WDR70: variants seen among roughly 807,000 people sequenced by gnomAD.
WDR70 encodes the protein WD repeat domain 70.
In WDR70, 53 loss-of-function variants were observed where a neutral mutation model predicts 88.6. The observed-to-expected ratio is 0.60, with a 90% CI of 0.48 to 0.75. The LOEUF is 0.75. Among genes scored for constraint, WDR70 ranks in the 30% least tolerant of loss-of-function variants. The probability of loss-of-function intolerance (pLI) is 0.00; values close to 1 mark genes in which losing one functional copy is unlikely to be tolerated. For missense variants in WDR70, 610 were observed against 823.2 expected (o/e 0.74, Z 3.17); for synonymous variants, 280 against 270.0 (o/e 1.04, Z -0.36).
intron 11 of WDR70, 186 bp downstream of exon 11, chr5:37,697,940 C>G (rs1747031209): frequency 8.0e-6 from 4 of 502,378 alleles, no homozygotes; most frequent in Non-Finnish European, 1.4e-5. Context: ...TAAAAATTAC[C>G]AAGTAAAATG....
intron 10 of WDR70, among the ~76,000 whole-genome samples, chr5:37,662,620 G>A (rs1745733569): frequency 6.6e-6 from 1 of 152,172 alleles, no homozygotes; most frequent in Non-Finnish European, 1.5e-5. Context: ...ATGTGGAAAT[G>A]AGGGGTGTTA....
At chr5:37,728,436 T>C (rs1279712934) in intron 17 of WDR70, among the ~76,000 whole-genome samples, 1 of 152,114 alleles carries the variant, frequency 6.6e-6, no homozygotes, top group African/African-American at 2.4e-5. Context: ...GTTCTTTCTC[T>C]GTTCCAGGAT....
chr5:37,679,308 C>G (rs1036868512), intron 10 of WDR70, among the ~76,000 whole-genome samples: 2 of 151,970 alleles, frequency 1.3e-5, no homozygotes, highest in Non-Finnish European at 2.9e-5. Context: ...GAGAGGCACC[C>G]TGCTTTTTAG....
At position 37,583,502 on chromosome 5, in the gene WDR70, G is replaced by A. The variant is rs1174281829; in HGVS notation, c.918-21562G>A. On this transcript the variant is annotated intron_variant, in intron 9 of 17. Transcript: ENST00000265107. ...ATGAACAAATGTGTCACAGATATGG[G>A]GGGAGAAAGCATAAGGGATGATTGG... Among the ~76,000 whole-genome samples the A allele has an allele frequency of 2.0e-5, 3 of 152,054 alleles. 1 individual carries two copies. In the East Asian group the frequency reaches 5.8e-4, roughly 29 times the overall value.
chr5:37,690,447 G>T (rs552945742), intron 10 of WDR70, among the ~76,000 whole-genome samples: 1 of 152,250 alleles, frequency 6.6e-6, no homozygotes, highest in East Asian at 1.9e-4. Context: ...AAATGTTAAG[G>T]GCAGCAAGAA....
chr5:37,392,480 G>C (rs1477705492), intron 4 of WDR70, among the ~76,000 whole-genome samples: 1 of 151,968 alleles, frequency 6.6e-6, no homozygotes, highest in Non-Finnish European at 1.5e-5. Flanking sequence ...ATCCTGAGTA[G>C]CTGGGACTAC....
At chr5:37,588,379 G>A (rs569453386) in intron 9 of WDR70, among the ~76,000 whole-genome samples, 3 of 151,974 alleles carry the variant, frequency 2.0e-5, no homozygotes, top group African/African-American at 2.4e-5. Context: ...CTTAGAACAC[G>A]GTACTATATT....
At chr5:37,724,742 C>A in intron 15 of WDR70, 192 bp from the exon 16 acceptor site, 2 of 586,264 alleles carry the variant, frequency 3.4e-6, no homozygotes, top group Non-Finnish European at 6.1e-6. Flanking sequence ...TGTTAGCTGC[C>A]AGGAGAGGTG....
intron 10 of WDR70, among the ~76,000 whole-genome samples, chr5:37,622,894 T>TA (rs1251523442): frequency 2.0e-5 from 3 of 151,730 alleles, no homozygotes; most frequent in African/African-American, 7.3e-5. Flanking sequence ...TGTATAATAA[T>TA]AAAAAAAGAA....
chr5:37,529,296 C>T (rs972367360), intron 9 of WDR70, among the ~76,000 whole-genome samples: 28 of 152,066 alleles, frequency 1.8e-4, no homozygotes, highest in African/African-American at 6.3e-4. Context: ...CTTGCTTTGG[C>T]TATGTGGGCT....
chr5:37,535,171 G>C (rs193277758), intron 9 of WDR70, among the ~76,000 whole-genome samples: 1 of 152,020 alleles, frequency 6.6e-6, no homozygotes, highest in Non-Finnish European at 1.5e-5. Flanking sequence ...TAAAGAGTAG[G>C]AGAGAGGGGT....
intron 8 of WDR70, chr5:37,506,174 A>G (rs1305104362): frequency 3.8e-6 from 4 of 1,041,600 alleles, no homozygotes; most frequent in Non-Finnish European, 6.1e-6. Flanking sequence ...GAGAAACATC[A>G]GCACCACTGA....
In WDR70 at chr5:37,719,740, A is replaced by G. The variant is rs142264297; in HGVS notation, c.1417-1375A>G. On this transcript the variant is annotated intron_variant, in intron 13 of 17. Coordinates refer to ENST00000265107, the MANE Select transcript of WDR70 (RefSeq NM_018034.4). ...CCTTAGTTCCTCTGGAATCTCAGGT[A>G]AGGGTTTGCAGCCATTTACCTATTT... Among the ~76,000 whole-genome samples the G allele has an allele frequency of 1.4e-4, 22 of 151,942 alleles. 1 individual carries two copies. In the East Asian group the frequency reaches 3.9e-3, roughly 27 times the overall value.
In WDR70 at chr5:37,602,558, G is replaced by A. The variant is rs149209144; in HGVS notation, c.918-2506G>A. Among the ~76,000 whole-genome samples, 1,167 of 151,970 alleles carry A rather than the reference G, an allele frequency of 7.7e-3. 9 individuals carry two copies. The highest frequency in any genetic ancestry group is 0.013 in the Non-Finnish European group (859 of 67,984). ...GGAGAATCACTTGAACCTGGGAGGCGGAGGCTGCAGTCAGTGGAGATTGTG... is the reference window on the plus strand; with the variant it reads ...GGAGAATCACTTGAACCTGGGAGGCAGAGGCTGCAGTCAGTGGAGATTGTG... On this transcript the variant is annotated intron_variant, in intron 9 of 17. Coordinates refer to ENST00000265107, the MANE Select transcript of WDR70 (RefSeq NM_018034.4).
intron 17 of WDR70, among the ~76,000 whole-genome samples, chr5:37,734,749 G>A (rs1431022915): frequency 2.6e-5 from 4 of 151,998 alleles, no homozygotes; most frequent in Non-Finnish European, 5.9e-5. Flanking sequence ...ATACCTAGGG[G>A]AAGAGCATCC....
At chr5:37,550,017 A>G (rs1162369678) in intron 9 of WDR70, among the ~76,000 whole-genome samples, 3 of 152,054 alleles carry the variant, frequency 2.0e-5, no homozygotes, top group Non-Finnish European at 2.9e-5. Flanking sequence ...ATGTGTCACA[A>G]TGCCCAGCTA....
chr5:37,420,339 A>G (rs540077496), intron 5 of WDR70, among the ~76,000 whole-genome samples: 24 of 152,362 alleles, frequency 1.6e-4, no homozygotes, highest in African/African-American at 5.5e-4. Context: ...AGTAGTAGTA[A>G]CACAGTGTTT....
At chr5:37,449,590 C>CAAAAAAA (rs376148041) in intron 7 of WDR70, among the ~76,000 whole-genome samples, 9 of 85,758 alleles carry the variant, frequency 1.0e-4, no homozygotes, top group African/African-American at 1.7e-4. Flanking sequence ...AATTTTGTCT[C>CAAAAAAA]AAAAAAAAAA....
At chr5:37,399,078 A>C (rs1749117904) in intron 5 of WDR70, among the ~76,000 whole-genome samples, 1 of 152,194 alleles carries the variant, frequency 6.6e-6, no homozygotes, top group Non-Finnish European at 1.5e-5. Context: ...GGAGGTCGAG[A>C]CCATCCTGGC....
Sources: allele counts gnomAD v4.1 joint callset (sites outside exome capture counted in the v4.1 genomes callset), GRCh38; gene constraint gnomAD v4.1.1; transcripts MANE v1.5; gene names NCBI Gene and HGNC (gene_info 2026-07-23, HGNC 2026-07-21).